LPP: variants seen among roughly 807,000 people sequenced by gnomAD.
LPP encodes the protein LIM domain containing preferred translocation partner in lipoma.
In LPP, 38 loss-of-function variants were observed where a neutral mutation model predicts 60.4. The ratio of observed to expected loss-of-function variants is 0.63; its 90% CI spans 0.49 to 0.83. The LOEUF is 0.83. Ranked by LOEUF, LPP falls within the 40% of genes least tolerant of loss-of-function variation. LPP has a pLI of 0.00. For missense variants in LPP, 902 were observed against 783.6 expected (o/e 1.15, Z -1.80); for synonymous variants, 328 against 290.8 (o/e 1.13, Z -1.30).
intron 9 of LPP, among the ~76,000 whole-genome samples, chr3:188,863,429 C>T (rs1765752805): frequency 6.6e-6 from 1 of 152,194 alleles, no homozygotes; most frequent in South Asian, 2.1e-4. Flanking sequence ...CTCTGCATCT[C>T]ATGCTCTCCA....
chr3:188,195,600 TA>T (rs1304811717), intron 1 of LPP, among the ~76,000 whole-genome samples: 5 of 152,218 alleles, frequency 3.3e-5, no homozygotes, highest in African/African-American at 7.2e-5. Context: ...GTTTAGCATT[TA>T]AAATGTGGCT....
intron 2 of LPP, among the ~76,000 whole-genome samples, chr3:188,302,578 T>C (rs1750250591): frequency 6.6e-6 from 1 of 152,190 alleles, no homozygotes; most frequent in Non-Finnish European, 1.5e-5. Flanking sequence ...CATGCTGCTG[T>C]GTGTTTTTGT....
In LPP at chr3:188,538,559, A is replaced by G. The variant is rs567345542; in HGVS notation, c.429+13772A>G. On this transcript the variant is annotated intron_variant, in intron 6 of 11. Coordinates refer to ENST00000617246, the MANE Select transcript of LPP (RefSeq NM_001375462.1). ...ACATGTGTTGGCAATGTGGTAGAGA[A>G]ATTGAAAACATCATACGTTGCTGGT... Among the ~76,000 whole-genome samples the G allele has an allele frequency of 1.8e-4, 28 of 152,326 alleles. 1 individual carries two copies. Among genetic ancestry groups the G allele is most frequent in the Middle Eastern group, 6.8e-3 (2 of 294 alleles).
chr3:188,205,922 G>A (rs1353928319), intron 1 of LPP, among the ~76,000 whole-genome samples: 1 of 152,170 alleles, frequency 6.6e-6, no homozygotes, highest in Non-Finnish European at 1.5e-5. Context: ...TATTTTGTAA[G>A]CTAAACATTG....
chr3:188,394,911 G>T (rs548907267), intron 3 of LPP, among the ~76,000 whole-genome samples: 2 of 152,194 alleles, frequency 1.3e-5, no homozygotes, highest in African/African-American at 4.8e-5. Flanking sequence ...CAATCGTTTT[G>T]CTATTAAATG....
At chr3:188,504,999 T>G (rs1295166767) in intron 5 of LPP, among the ~76,000 whole-genome samples, 2 of 152,226 alleles carry the variant, frequency 1.3e-5, no homozygotes, top group Non-Finnish European at 2.9e-5. Context: ...TGCAAGCTGC[T>G]TCAAGTACAT....
At chr3:188,250,768 T>TTCTG (rs1216079659) in intron 2 of LPP, among the ~76,000 whole-genome samples, 1 of 114,962 alleles carries the variant, frequency 8.7e-6, no homozygotes, top group African/African-American at 4.2e-5. Context: ...CTTTCTTTCT[T>TTCTG]TCTTTCTTTC....
chr3:188,708,605 A>G, intron 8 of LPP: 1 of 629,038 alleles, frequency 1.6e-6, no homozygotes, highest in South Asian at 2.2e-5. Flanking sequence ...CTAAAATTTC[A>G]GTGGTCCTTA....
chr3:188,649,249 C>T (rs1030719240), intron 7 of LPP, among the ~76,000 whole-genome samples: 4 of 152,194 alleles, frequency 2.6e-5, no homozygotes, highest in Non-Finnish European at 4.4e-5. Context: ...CATGCTCTGA[C>T]AGTAGCATTT....
At chr3:188,376,054 A>C (rs1314980289) in intron 3 of LPP, among the ~76,000 whole-genome samples, 2 of 152,104 alleles carry the variant, frequency 1.3e-5, no homozygotes, top group Non-Finnish European at 2.9e-5. Flanking sequence ...GTTTGATTGC[A>C]CTGTGGTCTG....
intron 3 of LPP, among the ~76,000 whole-genome samples, chr3:188,388,569 G>T (rs1026119032): frequency 3.3e-5 from 5 of 152,080 alleles, no homozygotes; most frequent in African/African-American, 1.2e-4. Context: ...GAATTAATTG[G>T]CAATAAAAGA....
intron 2 of LPP, among the ~76,000 whole-genome samples, chr3:188,303,664 T>A (rs1205220071): frequency 6.6e-6 from 1 of 152,066 alleles, no homozygotes; most frequent in Non-Finnish European, 1.5e-5. Flanking sequence ...GCAAATAGGA[T>A]AAGAAGCAGG....
At chr3:188,355,628 G>C (rs1477934645) in intron 3 of LPP, among the ~76,000 whole-genome samples, 1 of 152,028 alleles carries the variant, frequency 6.6e-6, no homozygotes, top group East Asian at 1.9e-4. Flanking sequence ...AATATATAGA[G>C]TGCATATATA....
intron 3 of LPP, among the ~76,000 whole-genome samples, chr3:188,348,824 A>G (rs748433038): frequency 6.7e-6 from 1 of 149,322 alleles, no homozygotes; most frequent in African/African-American, 2.5e-5. Context: ...TGTGCTGACA[A>G]TGCCTGGCAT....
At chr3:188,504,851 TGA>T (rs1046840896) in intron 5 of LPP, among the ~76,000 whole-genome samples, 3 of 150,446 alleles carry the variant, frequency 2.0e-5, no homozygotes, top group Admixed American at 2.0e-4. Flanking sequence ...TCAGCTGGAG[TGA>T]GAGGGGCAAC....
chr3:188,471,470 T>G (rs1340278487), intron 4 of LPP, among the ~76,000 whole-genome samples: 1 of 152,258 alleles, frequency 6.6e-6, no homozygotes, highest in Middle Eastern at 3.4e-3. Context: ...ATTAGAAAAA[T>G]TTGGTGTAAT....
At chr3:188,868,741 C>A (rs989743061) in intron 10 of LPP, among the ~76,000 whole-genome samples, 2 of 152,138 alleles carry the variant, frequency 1.3e-5, no homozygotes, top group South Asian at 4.2e-4. Flanking sequence ...GTTTTTGGGG[C>A]CTTGTTTGTG....
chr3:188,280,079 C>T (rs1741385583), intron 2 of LPP, among the ~76,000 whole-genome samples: 1 of 152,162 alleles, frequency 6.6e-6, no homozygotes, highest in African/African-American at 2.4e-5. Context: ...TTAATCAGGC[C>T]TGTAGAGCAG....
At chr3:188,381,726 C>T (rs548298452) in intron 3 of LPP, among the ~76,000 whole-genome samples, 10 of 152,170 alleles carry the variant, frequency 6.6e-5, no homozygotes, top group East Asian at 3.9e-4. Flanking sequence ...TCAAATGAAT[C>T]GCCTTATAGT....
Sources: allele counts gnomAD v4.1 joint callset (sites outside exome capture counted in the v4.1 genomes callset), GRCh38; gene constraint gnomAD v4.1.1; transcripts MANE v1.5; gene names NCBI Gene and HGNC (gene_info 2026-07-23, HGNC 2026-07-21).